CNBD2: variants seen among roughly 807,000 people sequenced by gnomAD.
The protein encoded by CNBD2 is cyclic nucleotide binding domain containing 2, also known as cyclic nucleotide-binding domain-containing protein 2.
In CNBD2, 64 loss-of-function variants were observed where a neutral mutation model predicts 63.7. The observed-to-expected ratio is 1.00, with a 90% CI of 0.82 to 1.24. The LOEUF is 1.24. Among genes scored for constraint, CNBD2 ranks in the 50% most tolerant of loss-of-function variants. The pLI, the probability that CNBD2 is intolerant of heterozygous loss-of-function variation, is 0.00. For missense variants in CNBD2, 691 were observed against 713.5 expected, an observed-to-expected ratio of 0.97 and a Z score of 0.36; for synonymous variants, 229 against 255.4, an observed-to-expected ratio of 0.90 and a Z score of 0.99.
chr20:35,963,130 G>A (rs1188536515), intron 2 of CNBD2, among the ~76,000 whole-genome samples: 3 of 152,116 alleles, frequency 2.0e-5, no homozygotes, highest in Admixed American at 1.3e-4. Flanking sequence ...GACTGCTTGA[G>A]CCCAGGAGTT....
chr20:36,025,670 T>C (rs6058397), intron 11 of CNBD2, among the ~76,000 whole-genome samples: 5 of 152,184 alleles, frequency 3.3e-5, no homozygotes, highest in African/African-American at 1.2e-4. Flanking sequence ...TTTCATAGTG[T>C]CCAAATTTTC....
At position 36,023,635 on chromosome 20, in the gene CNBD2, T is replaced by C. The variant is rs375428697; in HGVS notation, c.1303T>C (p.Cys435Arg). The C allele has an allele frequency of 6.2e-7, 1 of 1,611,048 alleles. No individual in the cohort carries two copies. Among genetic ancestry groups the C allele is most frequent in the African/African-American group, 1.3e-5 (1 of 74,702 alleles). The change falls in exon 11 of 12, where the codon TGC (cysteine) becomes CGC (arginine). Residue 435 changes from cysteine (C) to arginine (R), a missense_variant. Transcript: ENST00000373973. The stretch of plus-strand genomic sequence containing the variant: ...CCAGGCCTTCCTTCCAGAGGGTGAA[T>C]GCGACACACGACCCTTGATCCTGAT... ...LHQAFLPEGE[C>R]DTRPLILMSL... is the part of the protein sequence containing the mutation.
Position 35,968,680 on chromosome 20 carries a change from T to C in CNBD2, c.-83T>C, listed in dbSNP as rs1222713316. The C allele has an allele frequency of 2.0e-6, 2 of 997,956 alleles. No individual in the cohort carries two copies. The highest frequency in any genetic ancestry group is 3.2e-5 in the African/African-American group (2 of 63,028). 61.8% of individuals were successfully genotyped at this position (997,956 alleles called of 1,614,324 possible). A position where few individuals can be genotyped will look rare whatever the true frequency, so the allele number is the denominator to read the frequency against. ...TGAGGAAATCTATTTGTTTCTAGTA[T>C]TACTGGATTTTTGGGGAAAAATTTG... is the stretch of plus-strand genomic sequence containing the variant. On this transcript the variant is annotated 5_prime_UTR_variant, in exon 1 of 12. Transcript: ENST00000373973.
chr20:35,996,881 C>CA (rs1238945635), intron 8 of CNBD2, among the ~76,000 whole-genome samples: 1 of 152,146 alleles, frequency 6.6e-6, no homozygotes, highest in African/African-American at 2.4e-5. Context: ...AAATAAGTAG[C>CA]AATGTAGGAC....
intron 3 of CNBD2, among the ~76,000 whole-genome samples, chr20:35,976,606 C>T (rs559300823): frequency 2.6e-5 from 4 of 152,266 alleles, no homozygotes; most frequent in Non-Finnish European, 4.4e-5. Context: ...AGAGTCCTCT[C>T]ATTTTGATGA....
intron 7 of CNBD2, 103 bp from the exon 8 acceptor site, chr20:35,994,935 A>G: frequency 1.3e-6 from 1 of 770,312 alleles, no homozygotes; most frequent in Non-Finnish European, 2.2e-6. Context: ...AAGCAAATAA[A>G]ACAAAATGGG....
downstream of CNBD2, among the ~76,000 whole-genome samples, chr20:35,956,527 G>A (rs1480503309): frequency 6.6e-6 from 1 of 152,122 alleles, no homozygotes; most frequent in East Asian, 1.9e-4. Flanking sequence ...TGCATTTACT[G>A]TTGCTCTCAG....
chr20:35,995,881 G>T (rs571407541), intron 8 of CNBD2, among the ~76,000 whole-genome samples: 17 of 152,288 alleles, frequency 1.1e-4, no homozygotes, highest in South Asian at 1.0e-3. Context: ...ATAAAGAAAA[G>T]AAATTTATTT....
intron 11 of CNBD2, among the ~76,000 whole-genome samples, chr20:36,025,645 A>AT (rs11167285): frequency 0.35 from 52,477 of 150,394 alleles, 13,349 homozygotes; most frequent in African/African-American, 0.72. Context: ...AGATTAGATA[A>AT]TTTTTTTTTT....
At chr20:35,976,024 C>T (rs371930300) in intron 3 of CNBD2, 22 bp downstream of exon 3, 2 of 1,593,906 alleles carry the variant, frequency 1.3e-6, no homozygotes, top group African/African-American at 1.3e-5. Context: ...TCGAAACTTG[C>T]TGTGGGGGAA....
chr20:35,981,210 C>T (rs1329476989), intron 4 of CNBD2, among the ~76,000 whole-genome samples: 1 of 152,184 alleles, frequency 6.6e-6, no homozygotes, highest in African/African-American at 2.4e-5. Flanking sequence ...CTTGCCGTGA[C>T]TTTCAGCAAG....
intron 10 of CNBD2, among the ~76,000 whole-genome samples, chr20:36,014,410 A>G (rs2057107232): frequency 7.5e-6 from 1 of 134,046 alleles, no homozygotes; most frequent in South Asian, 2.4e-4. Context: ...GCTCACTGTG[A>G]CCTCTGCCTC....
At chr20:35,975,425 C>G (rs6060733) in intron 2 of CNBD2, among the ~76,000 whole-genome samples, 1 of 104,438 alleles carries the variant, frequency 9.6e-6, no homozygotes, top group South Asian at 3.3e-4. Context: ...CTCAGCCTCC[C>G]GAGTAGCTGG....
chr20:35,996,624 C>T (rs2056829512), intron 8 of CNBD2, among the ~76,000 whole-genome samples: 2 of 151,772 alleles, frequency 1.3e-5, no homozygotes, highest in African/African-American at 4.8e-5. Context: ...TCTCCTGCCT[C>T]AGCATCCCGA....
At chr20:36,025,997 A>T (rs1893075654) in intron 11 of CNBD2, among the ~76,000 whole-genome samples, 1 of 152,146 alleles carries the variant, frequency 6.6e-6, no homozygotes, top group Non-Finnish European at 1.5e-5. Flanking sequence ...GATCTTGTAC[A>T]TCTCCCTGGG....
At chr20:36,005,651 A>G (rs764210760) in intron 8 of CNBD2, among the ~76,000 whole-genome samples, 18 of 152,134 alleles carry the variant, frequency 1.2e-4, no homozygotes, top group Non-Finnish European at 2.2e-4. Flanking sequence ...ATTTATTCCC[A>G]TTAACATTAA....
chr20:35,965,087 G>T (rs1362186109), upstream of CNBD2, among the ~76,000 whole-genome samples: 1 of 152,026 alleles, frequency 6.6e-6, no homozygotes, highest in Non-Finnish European at 1.5e-5. Context: ...GGTAAGCAGG[G>T]ACCACATCTT....
At chr20:35,954,576 TC>T (rs1248786430), upstream of CNBD2, 1 of 1,447,664 alleles carries the variant, frequency 6.9e-7, no homozygotes, top group African/African-American at 1.4e-5. Flanking sequence ...CGTTCTCGAG[TC>T]GCATGAGGCG....
chr20:35,961,480 T>C lies in CNBD2; in HGVS notation c.228+3706T>C, dbSNP rs545233804. On this transcript the variant is annotated intron_variant, in intron 2 of 4. Transcript: ENST00000622112. Reference sequence around the variant, plus strand: ...CTTGTTTTAAAATTCATTAAGCCCTTTGACTTCTTTGTTGTTCATGATTAT... The same window carrying C: ...CTTGTTTTAAAATTCATTAAGCCCTCTGACTTCTTTGTTGTTCATGATTAT... Among the ~76,000 whole-genome samples the C allele has an allele frequency of 2.5e-4, 38 of 152,336 alleles. 1 individual carries two copies. The highest frequency in any genetic ancestry group is 6.8e-3 in the Middle Eastern group (2 of 294).
Sources: allele counts gnomAD v4.1 joint callset (sites outside exome capture counted in the v4.1 genomes callset), GRCh38; gene constraint gnomAD v4.1.1; transcripts MANE v1.5; gene names NCBI Gene and HGNC (gene_info 2026-07-23, HGNC 2026-07-21).